THSD7B: variants seen among roughly 807,000 people sequenced by gnomAD.
THSD7B encodes the protein thrombospondin type 1 domain containing 7B.
THSD7B carries 138 observed loss-of-function variants against 213.6 expected under a neutral mutation model. The ratio of observed to expected loss-of-function variants is 0.65; its 90% CI spans 0.56 to 0.74. The LOEUF (loss-of-function observed/expected upper bound fraction) is 0.74, where lower values mean the gene tolerates loss of function less well. Ranked by LOEUF, THSD7B falls within the 30% of genes least tolerant of loss-of-function variation. THSD7B has a pLI of 0.00. For missense variants in THSD7B, 1,931 were observed against 1,991.5 expected (o/e 0.97, Z 0.58); for synonymous variants, 742 against 687.0 (o/e 1.08, Z -1.25).
intron 2 of THSD7B, among the ~76,000 whole-genome samples, chr2:136,889,532 G>A (rs973408060): frequency 1.3e-5 from 2 of 152,106 alleles, no homozygotes; most frequent in African/African-American, 2.4e-5. Flanking sequence ...TGTAGTGTCC[G>A]CTGCTGAGCC....
intron 12 of THSD7B, among the ~76,000 whole-genome samples, chr2:137,401,799 A>T (rs557882580): frequency 6.6e-6 from 1 of 152,246 alleles, no homozygotes; most frequent in African/African-American, 2.4e-5. Flanking sequence ...TGCCTCCATT[A>T]AACTACTTTA....
At chr2:137,505,787 T>A (rs751379807) in intron 15 of THSD7B, among the ~76,000 whole-genome samples, 4 of 152,204 alleles carry the variant, frequency 2.6e-5, no homozygotes, top group African/African-American at 7.2e-5. Flanking sequence ...GGGGCCCACA[T>A]TGGATAGCAC....
chr2:137,328,351 T>G (rs904737800), intron 12 of THSD7B, among the ~76,000 whole-genome samples: 2 of 152,222 alleles, frequency 1.3e-5, no homozygotes. Context: ...GAATGTCCTC[T>G]TACTCCAAGA....
chr2:137,160,886 T>G (rs1255720284), intron 6 of THSD7B, among the ~76,000 whole-genome samples: 1 of 152,152 alleles, frequency 6.6e-6, no homozygotes, highest in African/African-American at 2.4e-5. Context: ...TCTCCTAAAG[T>G]GCTGGGATTA....
chr2:137,421,405 C>A (rs1484452613), intron 14 of THSD7B, among the ~76,000 whole-genome samples: 3 of 152,178 alleles, frequency 2.0e-5, no homozygotes, highest in Admixed American at 6.5e-5. Context: ...GTTGGGGTTC[C>A]CACGACTCCC....
At position 137,405,747 on chromosome 2, in the gene THSD7B, A is replaced by G; in HGVS notation, c.2635A>G (p.Lys879Glu). The change falls in exon 13 of 28, where the codon AAG becomes GAG. Residue 879 changes from lysine to glutamate, a missense_variant. Physicochemically the swap from Lys to Glu is moderately conservative, Grantham distance 56. Transcript: ENST00000409968. ...REDCTFTAWS[K>E]FTPCSTNCEA... is the part of the protein sequence containing the mutation. ...AGACTGCACCTTCACTGCTTGGTCCAAGTTTACGCCCTGCTCCACGAACTG... is the reference window on the plus strand; with the variant it reads ...AGACTGCACCTTCACTGCTTGGTCCGAGTTTACGCCCTGCTCCACGAACTG... 6.2e-7 allele frequency: 1 copy of G among 1,613,646 alleles called. No homozygotes were observed. The highest frequency in any genetic ancestry group is 1.1e-5 in the South Asian group (1 of 91,050).
chr2:137,335,559 A>G (rs1433479911), intron 12 of THSD7B, among the ~76,000 whole-genome samples: 2 of 152,202 alleles, frequency 1.3e-5, no homozygotes. Flanking sequence ...CAACCTCTAA[A>G]TAAATCAGCA....
chr2:137,602,626 AG>A (rs1345115554), intron 17 of THSD7B, among the ~76,000 whole-genome samples: 2 of 152,192 alleles, frequency 1.3e-5, no homozygotes, highest in African/African-American at 4.8e-5. Flanking sequence ...GCATCTGGCA[AG>A]GGTCTTCTAC....
chr2:136,961,699 A>G (rs575710016), intron 2 of THSD7B, among the ~76,000 whole-genome samples: 2 of 152,300 alleles, frequency 1.3e-5, no homozygotes, highest in African/African-American at 4.8e-5. Context: ...AAGATAAACT[A>G]TCATGGAAAA....
intron 3 of THSD7B, among the ~76,000 whole-genome samples, chr2:137,064,352 T>G (rs1687336817): frequency 6.6e-6 from 1 of 152,070 alleles, no homozygotes; most frequent in South Asian, 2.1e-4. Context: ...TTAAATTGTA[T>G]TATTATATTT....
intron 20 of THSD7B, among the ~76,000 whole-genome samples, chr2:137,632,403 G>C (rs534617012): frequency 8.1e-4 from 124 of 152,260 alleles, no homozygotes; most frequent in African/African-American, 3.0e-3. Flanking sequence ...CTTACAGAGA[G>C]GTAATGTGTG....
chr2:137,301,692 G>T (rs1478436988), intron 12 of THSD7B, among the ~76,000 whole-genome samples: 1 of 152,030 alleles, frequency 6.6e-6, no homozygotes, highest in Non-Finnish European at 1.5e-5. Context: ...AGGGAAGGGA[G>T]CAAATGATGC....
chr2:137,505,044 G>C (rs578005199), intron 15 of THSD7B, among the ~76,000 whole-genome samples: 10 of 152,084 alleles, frequency 6.6e-5, no homozygotes, highest in African/African-American at 1.9e-4. Flanking sequence ...GAGAAAAGGA[G>C]GGAGGGAGGG....
intron 15 of THSD7B, among the ~76,000 whole-genome samples, chr2:137,465,067 A>C (rs1307211053): frequency 6.6e-6 from 1 of 152,072 alleles, no homozygotes; most frequent in Non-Finnish European, 1.5e-5. Flanking sequence ...AAGGACATGC[A>C]AAGGCTTCAG....
At chr2:137,255,752 C>T (rs1682291409) in intron 10 of THSD7B, among the ~76,000 whole-genome samples, 1 of 152,126 alleles carries the variant, frequency 6.6e-6, no homozygotes, top group African/African-American at 2.4e-5. Flanking sequence ...GCTTTGTCAC[C>T]TGATGGGGTG....
chr2:137,150,830 G>A (rs777746229), intron 5 of THSD7B, among the ~76,000 whole-genome samples: 50 of 152,122 alleles, frequency 3.3e-4, no homozygotes, highest in Non-Finnish European at 6.3e-4. Context: ...ATGCTCACAG[G>A]CTACAAACCT....
intron 2 of THSD7B, among the ~76,000 whole-genome samples, chr2:136,903,828 G>A (rs193241765): frequency 3.1e-4 from 47 of 152,222 alleles, no homozygotes; most frequent in Middle Eastern, 3.4e-3. Context: ...CAGCACAGTG[G>A]CCAGGGCCAC....
At chr2:137,497,603 ATG>A (rs3048506) in intron 15 of THSD7B, among the ~76,000 whole-genome samples, 12,066 of 151,076 alleles carry the variant, frequency 0.08, 570 homozygotes, top group African/African-American at 0.11. Flanking sequence ...ATATATATGT[ATG>A]TGTGTGTGTG....
At chr2:136,978,377 C>T (rs945378379) in intron 2 of THSD7B, among the ~76,000 whole-genome samples, 2 of 152,136 alleles carry the variant, frequency 1.3e-5, no homozygotes, top group Non-Finnish European at 2.9e-5. Context: ...CTGTCTAATA[C>T]TGACAGTAGG....
Sources: allele counts gnomAD v4.1 joint callset (sites outside exome capture counted in the v4.1 genomes callset), GRCh38; gene constraint gnomAD v4.1.1; transcripts MANE v1.5; gene names NCBI Gene and HGNC (gene_info 2026-07-23, HGNC 2026-07-21).